SLC35D4: variants seen among roughly 807,000 people sequenced by gnomAD.
SLC35D4 encodes solute carrier family 35 member D4.
the SLC35D4 span, among the ~76,000 whole-genome samples, chr18:23,246,600 C>T: frequency 1.8e-4 from 28 of 151,882 alleles, no homozygotes; most frequent in South Asian, 5.4e-3. Flanking sequence ...ACCGTGTTAG[C>T]CAGGATGGTC....
the SLC35D4 span, among the ~76,000 whole-genome samples, chr18:23,308,829 C>T: frequency 6.6e-6 from 1 of 151,192 alleles, no homozygotes; most frequent in Non-Finnish European, 1.5e-5. Context: ...TGGAAAGACA[C>T]CCAAACACAG....
the SLC35D4 span, among the ~76,000 whole-genome samples, chr18:23,414,295 G>GAGGA: frequency 0.13 from 16,468 of 124,000 alleles, 1,627 homozygotes; most frequent in African/African-American, 0.27. Flanking sequence ...AAAAGGAAAG[G>GAGGA]AGGAAGGAAG....
chr18:23,364,774 T>C, the SLC35D4 span, among the ~76,000 whole-genome samples: 1 of 151,730 alleles, frequency 6.6e-6, no homozygotes, highest in East Asian at 1.9e-4. Context: ...CATGGTCTCA[T>C]ACGCCATAGT....
chr18:23,320,819 C>T, the SLC35D4 span, among the ~76,000 whole-genome samples: 1 of 152,160 alleles, frequency 6.6e-6, no homozygotes, highest in East Asian at 1.9e-4. Context: ...TTGACCTTAG[C>T]TTTTTAGCCT....
At chr18:23,255,331 CT>C in the SLC35D4 span, among the ~76,000 whole-genome samples, 100,196 of 151,982 alleles carry the variant, frequency 0.66, 33,636 homozygotes, top group African/African-American at 0.77. Flanking sequence ...ATATGTCTCA[CT>C]TGTCTAGCTG....
At chr18:23,377,735 A>C in the SLC35D4 span, 4 of 1,399,354 alleles carry the variant, frequency 2.9e-6, no homozygotes, top group Non-Finnish European at 3.8e-6. Context: ...TCTTAAAAGG[A>C]AACATTTTGA....
the SLC35D4 span, among the ~76,000 whole-genome samples, chr18:23,408,148 GACACACACACAC>G: frequency 1.5e-5 from 2 of 136,250 alleles, no homozygotes; most frequent in East Asian, 4.5e-4. Context: ...ACTGGCCTGA[GACACACACACAC>G]ACACACACAC....
At chr18:23,349,332 T>A in the SLC35D4 span, among the ~76,000 whole-genome samples, 1 of 152,076 alleles carries the variant, frequency 6.6e-6, no homozygotes, top group Non-Finnish European at 1.5e-5. Flanking sequence ...TTCTTCAATT[T>A]AAAAAAAACC....
chr18:23,302,038 A>G, the SLC35D4 span, among the ~76,000 whole-genome samples: 1 of 152,212 alleles, frequency 6.6e-6, no homozygotes, highest in African/African-American at 2.4e-5. Context: ...AAGGCTGGCC[A>G]CTCAGTGTTG....
the SLC35D4 span, among the ~76,000 whole-genome samples, chr18:23,327,774 T>C: frequency 6.6e-6 from 1 of 152,070 alleles, no homozygotes; most frequent in East Asian, 1.9e-4. Flanking sequence ...TAGACCAATA[T>C]CCCTGATGAA....
the SLC35D4 span, among the ~76,000 whole-genome samples, chr18:23,286,457 T>C: frequency 1.3e-5 from 2 of 152,090 alleles, no homozygotes; most frequent in African/African-American, 2.4e-5. Flanking sequence ...ACTCCCAGAG[T>C]CCCTGGGACT....
chr18:23,293,400 CAA>C, the SLC35D4 span, among the ~76,000 whole-genome samples: 1 of 152,058 alleles, frequency 6.6e-6, no homozygotes, highest in Non-Finnish European at 1.5e-5. Flanking sequence ...TTATTTAGCC[CAA>C]TATATAAAAA....
the SLC35D4 span, among the ~76,000 whole-genome samples, chr18:23,417,225 GAGCAAGA>G: frequency 6.8e-6 from 1 of 148,006 alleles, no homozygotes; most frequent in Non-Finnish European, 1.5e-5. Flanking sequence ...CTGGACGACA[GAGCAAGA>G]CCTTGCCTCA....
the SLC35D4 span, chr18:23,257,471 T>G: frequency 7.8e-7 from 1 of 1,277,088 alleles, no homozygotes; most frequent in Non-Finnish European, 1.1e-6. Context: ...ATACCAGACT[T>G]TTCTTCCTCT....
chr18:23,288,888 C>T, the SLC35D4 span, among the ~76,000 whole-genome samples: 1 of 152,170 alleles, frequency 6.6e-6, no homozygotes, highest in Non-Finnish European at 1.5e-5. Context: ...TTTAAAAACA[C>T]ACCTCACCAA....
At chr18:23,282,181 A>G in the SLC35D4 span, among the ~76,000 whole-genome samples, 1 of 152,162 alleles carries the variant, frequency 6.6e-6, no homozygotes, top group Non-Finnish European at 1.5e-5. Flanking sequence ...GCCTTTGCTA[A>G]TCCTGCGGGC....
the SLC35D4 span, among the ~76,000 whole-genome samples, chr18:23,255,546 C>T: frequency 6.6e-6 from 1 of 151,050 alleles, no homozygotes; most frequent in Non-Finnish European, 1.5e-5. Context: ...CAGACATCTG[C>T]TGAACTAATG....
chr18:23,312,356 C>A, the SLC35D4 span, among the ~76,000 whole-genome samples: 9 of 152,170 alleles, frequency 5.9e-5, no homozygotes, highest in Non-Finnish European at 1.2e-4. Flanking sequence ...TAAACCAGCC[C>A]TTACTTGAAA....
chr18:23,338,247 G>A, the SLC35D4 span, among the ~76,000 whole-genome samples: 1 of 152,220 alleles, frequency 6.6e-6, no homozygotes, highest in East Asian at 1.9e-4. Flanking sequence ...TAAATATGCA[G>A]TGAGAGACCT....
Sources: allele counts gnomAD v4.1 joint callset (sites outside exome capture counted in the v4.1 genomes callset), GRCh38; gene constraint gnomAD v4.1.1; transcripts MANE v1.5; gene names NCBI Gene and HGNC (gene_info 2026-07-23, HGNC 2026-07-21).